GRAMD1B: variants seen among roughly 807,000 people sequenced by gnomAD.
The protein encoded by GRAMD1B is protein Aster-B.
GRAMD1B carries 37 observed loss-of-function variants against 99.7 expected under a neutral mutation model. The observed-to-expected ratio is 0.37, with a 90% CI of 0.29 to 0.49. The LOEUF is 0.49. GRAMD1B is among the 20% of genes least tolerant of loss of function. The pLI is 0.98. For missense variants in GRAMD1B, 888 were observed against 1,009.2 expected (o/e 0.88, Z 1.63); for synonymous variants, 427 against 387.6 (o/e 1.10, Z -1.19).
upstream of GRAMD1B, among the ~76,000 whole-genome samples, chr11:123,426,236 A>G (rs1948645543): frequency 1.3e-5 from 2 of 152,190 alleles, no homozygotes; most frequent in Admixed American, 1.3e-4. Context: ...CTTTCCTGCC[A>G]CTGCCTCTAA....
In GRAMD1B at chr11:123,362,797, G is replaced by A. The variant is rs959691338; in HGVS notation, c.-176+3998G>A. Among the ~76,000 whole-genome samples the A allele has an allele frequency of 1.1e-4, 16 of 152,286 alleles. No individual in the cohort carries two copies. The South Asian group carries it at 3.1e-3, about 30-fold the overall frequency. On this transcript the variant is annotated intron_variant, in intron 1 of 20. Transcript: ENST00000638157. The stretch of plus-strand genomic sequence containing the variant: ...GGGGGAGAGGCAGGGATGGAAGAGA[G>A]CAATTCCTAGAAAAGTTTGTGAGAT...
At chr11:123,395,738 A>G (rs1947436418) in intron 1 of GRAMD1B, among the ~76,000 whole-genome samples, 1 of 152,226 alleles carries the variant, frequency 6.6e-6, no homozygotes. Context: ...AGTATTTTTT[A>G]AAGCTCTTCA....
chr11:123,599,617 C>A (rs547019549), intron 7 of GRAMD1B, among the ~76,000 whole-genome samples: 2 of 152,286 alleles, frequency 1.3e-5, no homozygotes, highest in South Asian at 2.1e-4. Flanking sequence ...AGATTACAGG[C>A]ACTCACCACC....
At chr11:123,618,998 A>T in intron 18 of GRAMD1B, 109 bp from the exon 19 acceptor site, 1 of 704,386 alleles carries the variant, frequency 1.4e-6, no homozygotes, top group Admixed American at 2.3e-5. Context: ...CAGTGAGCAG[A>T]GGACAAAGCA....
At chr11:123,534,712 A>G (rs1425516656) in intron 2 of GRAMD1B, among the ~76,000 whole-genome samples, 1 of 152,162 alleles carries the variant, frequency 6.6e-6, no homozygotes, top group Admixed American at 6.5e-5. Flanking sequence ...AAAATAAAAA[A>G]AAATTAGCTG....
At chr11:123,572,687 G>A (rs1352008500) in intron 2 of GRAMD1B, among the ~76,000 whole-genome samples, 2 of 152,210 alleles carry the variant, frequency 1.3e-5, no homozygotes, top group African/African-American at 4.8e-5. Context: ...GAGAGAGAGA[G>A]AGAGAGAGAT....
intron 14 of GRAMD1B, among the ~76,000 whole-genome samples, chr11:123,611,171 C>T (rs1210384159): frequency 2.6e-5 from 4 of 151,394 alleles, no homozygotes; most frequent in Non-Finnish European, 5.9e-5. Context: ...CTTTGTGCTT[C>T]GTGCCTATAT....
intron 2 of GRAMD1B, among the ~76,000 whole-genome samples, chr11:123,521,446 C>T (rs2135429252): frequency 6.6e-6 from 1 of 152,244 alleles, no homozygotes; most frequent in African/African-American, 2.4e-5. Context: ...CTTTCTCAAC[C>T]AATATATGTT....
At chr11:123,412,784 A>G (rs1435352093) in intron 1 of GRAMD1B, among the ~76,000 whole-genome samples, 1 of 61,352 alleles carries the variant, frequency 1.6e-5, no homozygotes, top group Admixed American at 1.2e-4. Flanking sequence ...AAAAAAAACT[A>G]AAGTTTTTAT....
intron 1 of GRAMD1B, among the ~76,000 whole-genome samples, chr11:123,453,912 G>A (rs1042550153): frequency 6.6e-6 from 1 of 152,188 alleles, no homozygotes; most frequent in East Asian, 1.9e-4. Flanking sequence ...GGACAGCTAA[G>A]AAACAGAAAT....
At chr11:123,485,554 G>C (rs190467555) in intron 2 of GRAMD1B, among the ~76,000 whole-genome samples, 1 of 152,146 alleles carries the variant, frequency 6.6e-6, no homozygotes, top group African/African-American at 2.4e-5. Flanking sequence ...TGCTGAGTGG[G>C]TGTGGCATCA....
At chr11:123,370,789 G>T (rs572258240) in intron 1 of GRAMD1B, among the ~76,000 whole-genome samples, 9 of 152,254 alleles carry the variant, frequency 5.9e-5, no homozygotes, top group African/African-American at 2.2e-4. Flanking sequence ...CAAAGGAAAA[G>T]ATTTCCATAC....
At chr11:123,447,642 T>G (rs954546519) in intron 1 of GRAMD1B, among the ~76,000 whole-genome samples, 9 of 152,164 alleles carry the variant, frequency 5.9e-5, no homozygotes, top group African/African-American at 2.2e-4. Flanking sequence ...TGGGCCTCAG[T>G]GAGATTATAA....
chr11:123,488,463 G>A (rs1211893614), intron 2 of GRAMD1B, among the ~76,000 whole-genome samples: 1 of 152,206 alleles, frequency 6.6e-6, no homozygotes, highest in African/African-American at 2.4e-5. Context: ...GCCTGGCCCT[G>A]CTGTCTGCTA....
At chr11:123,571,352 G>A (rs1387512131) in intron 2 of GRAMD1B, among the ~76,000 whole-genome samples, 1 of 152,216 alleles carries the variant, frequency 6.6e-6, no homozygotes, top group Non-Finnish European at 1.5e-5. Flanking sequence ...TGGGCGTGGG[G>A]GGTGAGGGTG....
intron 19 of GRAMD1B, among the ~76,000 whole-genome samples, chr11:123,619,938 G>C (rs1341691417): frequency 1.3e-5 from 2 of 152,204 alleles, no homozygotes. Context: ...CCTGCTACAT[G>C]ACAACTTCTC....
intron 1 of GRAMD1B, among the ~76,000 whole-genome samples, chr11:123,466,325 AGAAAGAAAGAAGGAAGGAAGGAAG>A (rs1292450315): frequency 6.7e-6 from 1 of 150,216 alleles, no homozygotes; most frequent in Non-Finnish European, 1.5e-5. Flanking sequence ...AGAGAAAGAA[AGAAAGAAAGAAGGAAGGAAGGAAG>A]GAAAGAAGGA....
rs545633612 is a variant in GRAMD1B, at chr11:123,508,187, C to A, written c.452+27294C>A. ...ATTTAGCTCATGGTTTTGGAGGCTG[C>A]GGAGTCCAAAAGCATAACACCAGCA... On this transcript the variant is annotated intron_variant, in intron 2 of 19. Coordinates refer to ENST00000635736, the MANE Select transcript of GRAMD1B (RefSeq NM_001387025.1). Among the ~76,000 whole-genome samples, 3 of 152,234 alleles carry A rather than the reference C, an allele frequency of 2.0e-5. No homozygotes were observed. The South Asian group carries it at 6.2e-4, about 32-fold the overall frequency.
intron 2 of GRAMD1B, among the ~76,000 whole-genome samples, chr11:123,496,798 T>C (rs1336964714): frequency 2.6e-5 from 4 of 152,070 alleles, no homozygotes; most frequent in Non-Finnish European, 5.9e-5. Flanking sequence ...TCTGCTTAAT[T>C]CATTTTAATA....
Sources: allele counts gnomAD v4.1 joint callset (sites outside exome capture counted in the v4.1 genomes callset), GRCh38; gene constraint gnomAD v4.1.1; transcripts MANE v1.5; gene names NCBI Gene and HGNC (gene_info 2026-07-23, HGNC 2026-07-21).